TUB: variants seen among roughly 807,000 people sequenced by gnomAD.
The protein encoded by TUB is tubby protein homolog.
In TUB, 33 loss-of-function variants were observed where a neutral mutation model predicts 59.7. The ratio of observed to expected loss-of-function variants is 0.55; its 90% CI spans 0.42 to 0.74. The LOEUF is 0.74. TUB is among the 30% of genes least tolerant of loss of function. The pLI is 0.00. For synonymous variants in TUB, 293 were observed against 256.4 expected (o/e 1.14, Z -1.36); for missense variants, 659 against 672.0 (o/e 0.98, Z 0.21).
At chr11:8,065,398 G>A (rs1943220456) in intron 2 of TUB, among the ~76,000 whole-genome samples, 1 of 152,206 alleles carries the variant, frequency 6.6e-6, no homozygotes, top group African/African-American at 2.4e-5. Context: ...GAGTTAAGAA[G>A]TGGTTTCGTG....
chr11:8,090,096 A>C lies in TUB; in HGVS notation c.118A>C (p.Lys40Gln), dbSNP rs751819088. 1.2e-6 allele frequency: 2 copies of C among 1,611,790 alleles called. No homozygotes were observed. The highest frequency in any genetic ancestry group is 1.3e-5 in the African/African-American group (1 of 75,016). The part of the protein sequence containing the change: ...QRALLEQKQK[K>Q]KRQEPLMVQA... Reference sequence around the variant, plus strand: ...GGCCCTGCTGGAGCAGAAGCAGAAGAAGAAGCGCCAGGAGCCCCTGATGGT... The same window carrying C: ...GGCCCTGCTGGAGCAGAAGCAGAAGCAGAAGCGCCAGGAGCCCCTGATGGT... Residue 40 changes from lysine to glutamine, a missense_variant, in exon 3 of 12, where the codon AAG (lysine) becomes CAG (glutamine). Lys to Gln is a moderately conservative substitution (Grantham distance 53, BLOSUM62 1). Transcript: ENST00000299506.
chr11:8,104,055 G>C lies in TUB; in HGVS notation c.*2436G>C, dbSNP rs934816112. 2 of 152,238 alleles carry C rather than the reference G, an allele frequency of 1.3e-5. No homozygotes were observed. Among genetic ancestry groups the C allele is most frequent in the Non-Finnish European group, 2.9e-5 (2 of 68,070 alleles). 9.4% of individuals were successfully genotyped at this position (152,238 alleles called of 1,614,324 possible). On this transcript the variant is annotated 3_prime_UTR_variant, in exon 12 of 12. Transcript: ENST00000299506. ...GCATCAGTAGCTGAGTGCACTCCTG[G>C]TGATCCTGGTTTTCCTTGACCACTG...
At chr11:8,036,706 T>C (rs1434030088), upstream of TUB, among the ~76,000 whole-genome samples, 1 of 152,242 alleles carries the variant, frequency 6.6e-6, no homozygotes, top group Non-Finnish European at 1.5e-5. Flanking sequence ...AAGGGCTGCC[T>C]GCCCCAGGGA....
At chr11:8,054,846 G>A (rs1213807454) in intron 2 of TUB, among the ~76,000 whole-genome samples, 2 of 152,206 alleles carry the variant, frequency 1.3e-5, no homozygotes, top group Non-Finnish European at 2.9e-5. Flanking sequence ...TAAAGGGATG[G>A]TAGAGTAGCT....
chr11:8,079,221 A>G (rs1943500844), upstream of TUB, among the ~76,000 whole-genome samples: 1 of 152,188 alleles, frequency 6.6e-6, no homozygotes, highest in East Asian at 1.9e-4. Flanking sequence ...TTTAGACTCT[A>G]GCTGTCTCTG....
Position 8,101,671 on chromosome 11 carries a change from C to T in TUB, c.*52C>T. On this transcript the variant is annotated 3_prime_UTR_variant, in exon 12 of 12. Transcript: ENST00000299506. ...CCCAGCCTGGAGCGGAGCTTGCCTGCCTGCCTGTGGAGACAGCCCTGCCTA... is the reference window on the plus strand; with the variant it reads ...CCCAGCCTGGAGCGGAGCTTGCCTGTCTGCCTGTGGAGACAGCCCTGCCTA... 6.3e-7 allele frequency: 1 copy of T among 1,599,804 alleles called. No individual in the cohort carries two copies. The highest frequency in any genetic ancestry group is 8.5e-7 in the Non-Finnish European group (1 of 1,173,464).
chr11:8,051,503 A>T (rs1401850798), intron 2 of TUB, among the ~76,000 whole-genome samples: 1 of 152,238 alleles, frequency 6.6e-6, no homozygotes, highest in Non-Finnish European at 1.5e-5. Context: ...GCTTCAGAGA[A>T]ATGAAATTAA....
At chr11:8,026,490 A>T (rs1005559753) in intron 1 of TUB, among the ~76,000 whole-genome samples, 1 of 149,356 alleles carries the variant, frequency 6.7e-6, no homozygotes, top group Non-Finnish European at 1.5e-5. Flanking sequence ...AAAAATGGGT[A>T]TCTAATTGTT....
chr11:8,084,653 T>C (rs1008064534), intron 1 of TUB, among the ~76,000 whole-genome samples: 4 of 152,208 alleles, frequency 2.6e-5, no homozygotes, highest in Non-Finnish European at 5.9e-5. Context: ...AGGGAACTTA[T>C]CTGGTTCCTG....
At chr11:8,031,515 G>C (rs538718534) in intron 1 of TUB, among the ~76,000 whole-genome samples, 1 of 152,374 alleles carries the variant, frequency 6.6e-6, no homozygotes, top group African/African-American at 2.4e-5. Context: ...TGGTGGGGTA[G>C]AGGACCCTTC....
At position 8,081,398 on chromosome 11, in the gene TUB, C is replaced by A; in HGVS notation, c.-113C>A. ...GCGGGCCTCGGCGGGGCCCAGCGCC[C>A]CGGCCCGGGAGGATGCGGCCCGGGG... On this transcript the variant is annotated 5_prime_UTR_variant, in exon 1 of 12. Coordinates refer to ENST00000299506, the MANE Select transcript of TUB (RefSeq NM_177972.3). 1 of 1,018,402 alleles carries A rather than the reference C, an allele frequency of 9.8e-7. No homozygotes were observed. The highest frequency in any genetic ancestry group is 1.2e-6 in the Non-Finnish European group (1 of 852,564). The allele number at this position is 1,018,402 out of a possible 1,614,324, so 63.1% of individuals were successfully genotyped here.
Position 8,095,584 on chromosome 11 carries a change from G to A in TUB, c.484G>A (p.Ala162Thr), listed in dbSNP as rs779298054. 12 of 1,612,960 alleles carry A rather than the reference G, an allele frequency of 7.4e-6. No homozygotes were observed. The highest frequency in any genetic ancestry group is 3.3e-5 in the Admixed American group (2 of 59,968). Reference protein sequence around the residue: ...QILTVGQSDHAQDAGETAAGG... With the variant: ...QILTVGQSDHTQDAGETAAGG... ...TCTGACTGTGGGCCAGTCAGACCAC[G>A]CCCAGGACGCAGGGGAGACGGCAGC... The change falls in exon 5 of 12, where the codon GCC (alanine) becomes ACC (threonine). Residue 162 changes from alanine (A) to threonine (T), a missense_variant. By Grantham distance (58) the Ala-to-Thr change is moderately conservative. Coordinates refer to ENST00000299506, the MANE Select transcript of TUB (RefSeq NM_177972.3).
At chr11:8,101,377 G>C in intron 11 of TUB, 109 bp from the exon 12 acceptor site, 2 of 1,387,904 alleles carry the variant, frequency 1.4e-6, no homozygotes, top group Admixed American at 1.8e-5. Context: ...TGGCATCTCT[G>C]CTTCTCACTT....
chr11:8,085,248 T>C (rs753484152), intron 1 of TUB, among the ~76,000 whole-genome samples: 37 of 152,230 alleles, frequency 2.4e-4, no homozygotes, highest in Non-Finnish European at 4.7e-4. Flanking sequence ...GAATCACCCA[T>C]GGCACTTGCT....
At chr11:8,101,095 T>C in intron 11 of TUB, 98 bp downstream of exon 11, 1 of 1,407,302 alleles carries the variant, frequency 7.1e-7, no homozygotes, top group Non-Finnish European at 9.8e-7. Flanking sequence ...TGGCTAGAGT[T>C]TAAGAATGTG....
chr11:8,064,016 T>A (rs1943185031), intron 2 of TUB, among the ~76,000 whole-genome samples: 1 of 152,206 alleles, frequency 6.6e-6, no homozygotes, highest in Non-Finnish European at 1.5e-5. Context: ...AGGCGTCATT[T>A]GTCCCACAGG....
chr11:8,075,003 C>G (rs1432507304), intron 2 of TUB, among the ~76,000 whole-genome samples: 3 of 152,016 alleles, frequency 2.0e-5, no homozygotes, highest in Non-Finnish European at 4.4e-5. Context: ...CCTCAGCCTC[C>G]CAAAGTGCTG....
upstream of TUB, among the ~76,000 whole-genome samples, chr11:8,035,148 A>G (rs1438639690): frequency 6.6e-6 from 1 of 152,242 alleles, no homozygotes; most frequent in Non-Finnish European, 1.5e-5. Context: ...AGTAATTAAG[A>G]TAAATGATAT....
chr11:8,093,207 G>C (rs1943838191), intron 3 of TUB, among the ~76,000 whole-genome samples: 1 of 151,982 alleles, frequency 6.6e-6, no homozygotes, highest in Non-Finnish European at 1.5e-5. Flanking sequence ...TGACATCCAA[G>C]CTGAAATCTG....
Sources: gnomAD v4.1 joint callset for allele counts (sites outside exome capture counted in the v4.1 genomes callset) on GRCh38, gnomAD v4.1.1 for gene constraint, MANE v1.5 for transcripts, NCBI Gene and HGNC (gene_info 2026-07-23, HGNC 2026-07-21) for gene names.